Variants in KALRN observed in about 807,000 individuals in gnomAD.
The protein encoded by KALRN is kalirin.
A neutral mutation model predicts 353.7 loss-of-function variants in KALRN; 70 were observed. The ratio of observed to expected loss-of-function variants is 0.20; its 90% CI spans 0.16 to 0.24. The LOEUF is 0.24. KALRN is among the 10% of genes least tolerant of loss of function. The pLI is 1.00. For missense variants in KALRN, 2,791 were observed against 3,756.7 expected, an observed-to-expected ratio of 0.74 and a Z score of 6.72; for synonymous variants, 1,391 against 1,434.8, an observed-to-expected ratio of 0.97 and a Z score of 0.69.
chr3:124,610,538 T>C (rs1353711551), intron 34 of KALRN, among the ~76,000 whole-genome samples: 1 of 151,884 alleles, frequency 6.6e-6, no homozygotes, highest in African/African-American at 2.4e-5. Flanking sequence ...GGCCCAAAAA[T>C]GAAAGCTTGA....
chr3:124,334,297 G>T lies in KALRN; in HGVS notation c.1449G>T (p.Val483=), dbSNP rs751323957. 9 of 1,614,124 alleles carry T rather than the reference G, an allele frequency of 5.6e-6. No homozygotes were observed. Among genetic ancestry groups the T allele is most frequent in the Non-Finnish European group, 5.9e-6 (7 of 1,180,052 alleles). The stretch of plus-strand genomic sequence containing the variant: ...AGGATGGCAAAGCACTACTTGATGT[G>T]CTGCAGCGGCCCCTGAGCCCTGGGA... ...VSQDGKALLD[V]LQRPLSPGNS... is the part of the protein sequence containing the mutation. Residue 483 remains valine, a synonymous_variant, in exon 9 of 60, where the codon GTG becomes GTT. Coordinates refer to ENST00000682506, the MANE Select transcript of KALRN (RefSeq NM_001388419.1). The surrounding 1 kb of genome is among the most constrained non-coding windows in gnomAD (Gnocchi z 4.2).
chr3:124,628,559 T>C (rs62265572), intron 34 of KALRN, among the ~76,000 whole-genome samples: 3 of 61,922 alleles, frequency 4.8e-5, no homozygotes, highest in African/African-American at 4.2e-5. Context: ...TTCTTTCTTT[T>C]CTTTTCTTTT....
intron 6 of KALRN, among the ~76,000 whole-genome samples, chr3:124,300,222 G>C (rs1449806502): frequency 6.6e-6 from 1 of 152,138 alleles, no homozygotes; most frequent in Non-Finnish European, 1.5e-5. Flanking sequence ...AATAATTCTG[G>C]CCTCAAGTTG....
chr3:124,398,817 G>T lies in KALRN; in HGVS notation c.2292G>T (p.Lys764Asn). 6.2e-7 allele frequency: 1 copy of T among 1,614,162 alleles called. No homozygotes were observed. The highest frequency in any genetic ancestry group is 1.1e-5 in the South Asian group (1 of 91,074). The part of the protein sequence containing the change: ...VQMEELFHER[K>N]IKLDIFLQLR... Reference sequence around the variant, plus strand: ...TGGAGGAGCTGTTCCACGAGCGGAAGATCAAGCTGGACATCTTCCTGCAAC... The same window carrying T: ...TGGAGGAGCTGTTCCACGAGCGGAATATCAAGCTGGACATCTTCCTGCAAC... Residue 764 changes from lysine (K) to asparagine (N), a missense_variant, in exon 13 of 60, where the codon AAG (lysine) becomes AAT (asparagine). This residue lies in a region of KALRN where 452 missense variants were observed against 575.8 expected (regional missense o/e 0.78). Transcript: ENST00000682506.
chr3:124,209,547 C>T (rs1467033886), intron 1 of KALRN, among the ~76,000 whole-genome samples: 1 of 151,628 alleles, frequency 6.6e-6, no homozygotes, highest in African/African-American at 2.4e-5. Context: ...TCCACCCACC[C>T]TGACCTCTCT....
rs569703368 is a variant in KALRN at position 124,357,720 on chromosome 3, C to A, written c.1770+10455C>A. Among the ~76,000 whole-genome samples, 146 of 152,304 alleles carry A rather than the reference C, an allele frequency of 9.6e-4. 2 individuals are homozygous for A. The highest frequency in any genetic ancestry group is 3.4e-3 in the African/African-American group (143 of 41,566). ...TCACCTAGTTACTCTGGTCATATCT[C>A]TATTATGGTAGTTAGCACAGTGCCA... On this transcript the variant is annotated intron_variant, in intron 10 of 59. Coordinates refer to ENST00000682506, the MANE Select transcript of KALRN (RefSeq NM_001388419.1).
chr3:124,232,467 C>G (rs1257807940), intron 2 of KALRN, among the ~76,000 whole-genome samples: 1 of 152,196 alleles, frequency 6.6e-6, no homozygotes, highest in Non-Finnish European at 1.5e-5. Context: ...ATTTCCTCCT[C>G]TCTCTTGGAG....
chr3:124,080,628 G>T (rs1486521754), intron 1 of KALRN, among the ~76,000 whole-genome samples: 1 of 152,086 alleles, frequency 6.6e-6, no homozygotes, highest in Non-Finnish European at 1.5e-5. Context: ...GATTATTTCT[G>T]GTGTTTAAAA....
chr3:124,125,049 G>A (rs902768869), intron 1 of KALRN, among the ~76,000 whole-genome samples: 4 of 152,168 alleles, frequency 2.6e-5, no homozygotes, highest in African/African-American at 4.8e-5. Context: ...AAATCTTGCT[G>A]AGCCTACAGA....
At chr3:124,605,384 C>A (rs1349706813) in intron 34 of KALRN, among the ~76,000 whole-genome samples, 1 of 151,588 alleles carries the variant, frequency 6.6e-6, no homozygotes, top group African/African-American at 2.4e-5. Flanking sequence ...ACCAGCCTGG[C>A]CAACATGGTG....
At chr3:124,399,468 C>G (rs546631572) in intron 13 of KALRN, among the ~76,000 whole-genome samples, 1 of 152,210 alleles carries the variant, frequency 6.6e-6, no homozygotes, top group East Asian at 2.0e-4. Context: ...CCGTTAGACT[C>G]TTACTTGGCA....
intron 6 of KALRN, among the ~76,000 whole-genome samples, chr3:124,310,944 A>C (rs2078187527): frequency 6.6e-6 from 1 of 152,144 alleles, no homozygotes; most frequent in Non-Finnish European, 1.5e-5. Context: ...AAAATGTGCA[A>C]AGGATTTAAA....
At chr3:124,174,222 T>A (rs2072324666) in intron 1 of KALRN, among the ~76,000 whole-genome samples, 1 of 151,794 alleles carries the variant, frequency 6.6e-6, no homozygotes, top group South Asian at 2.1e-4. Flanking sequence ...TCACTTGAGG[T>A]TGGGAGTTTA....
At chr3:124,512,554 G>A (rs1561189385) in intron 33 of KALRN, among the ~76,000 whole-genome samples, 1 of 152,156 alleles carries the variant, frequency 6.6e-6, no homozygotes, top group African/African-American at 2.4e-5. Context: ...AGGAGGCTGA[G>A]GCAGTAGAAT....
At chr3:124,510,672 G>T (rs192071364) in intron 33 of KALRN, among the ~76,000 whole-genome samples, 4 of 152,082 alleles carry the variant, frequency 2.6e-5, no homozygotes, top group African/African-American at 4.8e-5. Flanking sequence ...TGTAGCTGCC[G>T]TCAGTGTATC....
chr3:124,174,640 G>A (rs2072394878), intron 1 of KALRN, among the ~76,000 whole-genome samples: 1 of 152,168 alleles, frequency 6.6e-6, no homozygotes, highest in Non-Finnish European at 1.5e-5. Context: ...TGTCTCCCAG[G>A]AGGAGGGCAT....
At chr3:124,453,803 T>G (rs1347972565) in intron 21 of KALRN, among the ~76,000 whole-genome samples, 1 of 152,196 alleles carries the variant, frequency 6.6e-6, no homozygotes, top group Non-Finnish European at 1.5e-5. Flanking sequence ...CCAGCTTAAG[T>G]ACTGCTTCTC....
intron 33 of KALRN, among the ~76,000 whole-genome samples, chr3:124,541,815 C>G (rs931796767): frequency 2.0e-5 from 3 of 152,088 alleles, no homozygotes; most frequent in Non-Finnish European, 4.4e-5. Context: ...TTGCTTGAAC[C>G]CAGGAGGTGG....
At chr3:124,299,978 A>G (rs1387916485) in intron 6 of KALRN, among the ~76,000 whole-genome samples, 1 of 152,186 alleles carries the variant, frequency 6.6e-6, no homozygotes, top group Non-Finnish European at 1.5e-5. Flanking sequence ...TAGCTCCACC[A>G]TTCCTCATAT....
Sources: allele counts gnomAD v4.1 joint callset (sites outside exome capture counted in the v4.1 genomes callset), GRCh38; gene constraint gnomAD v4.1.1; regional missense constraint gnomAD v4.1.1; non-coding constraint Gnocchi (gnomAD v3.1); transcripts MANE v1.5; gene names NCBI Gene and HGNC (gene_info 2026-07-23, HGNC 2026-07-21).